Variants in CAST observed in about 807,000 individuals in gnomAD.
CAST encodes the protein MIR583 host.
In CAST, 76 loss-of-function variants were observed where a neutral mutation model predicts 119.6. The ratio of observed to expected loss-of-function variants is 0.64; its 90% CI spans 0.53 to 0.77. The LOEUF (loss-of-function observed/expected upper bound fraction) is 0.77, where lower values mean the gene tolerates loss of function less well. Among genes scored for constraint, CAST ranks in the 30% least tolerant of loss-of-function variants. CAST has a pLI of 0.00. For missense variants in CAST, 953 were observed against 946.5 expected (o/e 1.01, Z -0.09); for synonymous variants, 319 against 331.6 (o/e 0.96, Z 0.41).
chr5:96,225,106 A>T, the CAST span, among the ~76,000 whole-genome samples: 1 of 152,062 alleles, frequency 6.6e-6, no homozygotes, highest in Non-Finnish European at 1.5e-5. Context: ...TTTAAAATCA[A>T]TATCACATAT....
the CAST span, among the ~76,000 whole-genome samples, chr5:96,469,865 G>GTATATA: frequency 1.2e-4 from 15 of 129,314 alleles, no homozygotes; most frequent in African/African-American, 4.5e-4. Context: ...ATATGTGTGT[G>GTATATA]TATATATATA....
At chr5:96,541,097 T>C (rs1470657391) in intron 1 of CAST, among the ~76,000 whole-genome samples, 1 of 152,228 alleles carries the variant, frequency 6.6e-6, no homozygotes, top group African/African-American at 2.4e-5. Flanking sequence ...GAGTGGAATA[T>C]CTACATAACT....
chr5:96,663,034 C>T, intron 1 of CAST: 1 of 696,616 alleles, frequency 1.4e-6, no homozygotes, highest in African/African-American at 1.7e-5. Flanking sequence ...CAGTGCCAGC[C>T]CGGTCCCGGC....
chr5:96,691,081 G>A (rs1333606140), intron 2 of CAST, among the ~76,000 whole-genome samples: 1 of 152,152 alleles, frequency 6.6e-6, no homozygotes, highest in South Asian at 2.1e-4. Flanking sequence ...AAAACTAAAT[G>A]TCTCAGCATC....
At chr5:95,962,748 A>G in the CAST span, among the ~76,000 whole-genome samples, 2 of 152,220 alleles carry the variant, frequency 1.3e-5, no homozygotes, top group Admixed American at 6.5e-5. Flanking sequence ...CTAGAAGAAG[A>G]GTAAAACTGG....
upstream of CAST, among the ~76,000 whole-genome samples, chr5:96,524,543 C>T (rs1250880947): frequency 6.6e-6 from 1 of 152,280 alleles, no homozygotes; most frequent in Non-Finnish European, 1.5e-5. Context: ...CATATGGGGA[C>T]GGCCATGTGT....
intron 16 of CAST, among the ~76,000 whole-genome samples, chr5:96,745,293 A>G (rs1290560228): frequency 6.6e-6 from 1 of 152,246 alleles, no homozygotes; most frequent in African/African-American, 2.4e-5. Flanking sequence ...AAAGCATAGA[A>G]CAGTGCCTGG....
At chr5:96,523,334 T>A (rs527967340), upstream of CAST, among the ~76,000 whole-genome samples, 1 of 152,226 alleles carries the variant, frequency 6.6e-6, no homozygotes, top group Non-Finnish European at 1.5e-5. Flanking sequence ...GTGTTCCCAA[T>A]CTCACCAAAT....
At chr5:96,596,315 G>A (rs145422864) in intron 1 of CAST, among the ~76,000 whole-genome samples, 1 of 152,248 alleles carries the variant, frequency 6.6e-6, no homozygotes, top group South Asian at 2.1e-4. Context: ...ATGTGTTTTG[G>A]AGAAGGAGGA....
the CAST span, among the ~76,000 whole-genome samples, chr5:96,436,800 T>A: frequency 1.3e-5 from 2 of 152,186 alleles, no homozygotes; most frequent in Non-Finnish European, 2.9e-5. Flanking sequence ...CAAAGACTGA[T>A]ATTGGGGTTA....
At chr5:96,368,509 A>AC in the CAST span, among the ~76,000 whole-genome samples, 4 of 151,574 alleles carry the variant, frequency 2.6e-5, no homozygotes, top group Non-Finnish European at 4.4e-5. Context: ...CTAAAAAAAA[A>AC]AAAAAACAAA....
the CAST span, among the ~76,000 whole-genome samples, chr5:96,362,607 T>A: frequency 6.6e-6 from 1 of 152,368 alleles, no homozygotes; most frequent in East Asian, 1.9e-4. Context: ...TTTTTTCATG[T>A]GTCTGTTGGC....
the CAST span, among the ~76,000 whole-genome samples, chr5:96,480,652 G>A: frequency 6.6e-6 from 1 of 152,228 alleles, no homozygotes; most frequent in East Asian, 1.9e-4. Context: ...AACTAGCAGA[G>A]GACAAGAATT....
the CAST span, among the ~76,000 whole-genome samples, chr5:96,030,180 A>C: frequency 6.6e-6 from 1 of 152,190 alleles, no homozygotes; most frequent in Non-Finnish European, 1.5e-5. Context: ...AATTACATTC[A>C]GTACTCTTTG....
At chr5:96,509,625 A>G in the CAST span, among the ~76,000 whole-genome samples, 1 of 152,216 alleles carries the variant, frequency 6.6e-6, no homozygotes, top group Non-Finnish European at 1.5e-5. Context: ...GGCTATGGGA[A>G]CAGTCTGCAT....
At chr5:96,312,536 G>A in the CAST span, among the ~76,000 whole-genome samples, 3 of 152,080 alleles carry the variant, frequency 2.0e-5, no homozygotes, top group Non-Finnish European at 4.4e-5. Context: ...AGGAAGATAA[G>A]AAATGTGTTT....
At chr5:96,393,375 G>C in the CAST span, 1 of 1,613,680 alleles carries the variant, frequency 6.2e-7, no homozygotes. Context: ...TGTGTGGGCT[G>C]CTCCTAAAAC....
the CAST span, among the ~76,000 whole-genome samples, chr5:96,131,418 TAC>T: frequency 3.9e-3 from 576 of 147,346 alleles, 2 homozygotes; most frequent in Middle Eastern, 7.1e-3. Context: ...CTTGTTATTA[TAC>T]ACACACACAC....
chr5:96,665,317 T>A (rs538531900), intron 1 of CAST, among the ~76,000 whole-genome samples: 2 of 152,230 alleles, frequency 1.3e-5, no homozygotes, highest in African/African-American at 2.4e-5. Context: ...ACCTACTATA[T>A]CCCACATATT....
Sources: gnomAD v4.1 joint callset for allele counts (sites outside exome capture counted in the v4.1 genomes callset) on GRCh38, gnomAD v4.1.1 for gene constraint, MANE v1.5 for transcripts, NCBI Gene and HGNC (gene_info 2026-07-23, HGNC 2026-07-21) for gene names.